DPP4: variants seen among roughly 807,000 people sequenced by gnomAD.
DPP4 encodes the protein dipeptidyl peptidase 4.
A neutral mutation model predicts 122.4 loss-of-function variants in DPP4; 93 were observed. The ratio of observed to expected loss-of-function variants is 0.76; its 90% CI spans 0.64 to 0.90. The LOEUF is 0.90. DPP4 is among the 40% of genes least tolerant of loss of function. DPP4 has a pLI of 0.00. For synonymous variants in DPP4, 321 were observed against 302.9 expected (o/e 1.06, Z -0.62); for missense variants, 914 against 907.3 (o/e 1.01, Z -0.09).
chr2:162,001,070 C>G (rs534439598), intron 23 of DPP4, among the ~76,000 whole-genome samples: 1 of 152,294 alleles, frequency 6.6e-6, no homozygotes, highest in South Asian at 2.1e-4. Flanking sequence ...CTCGTCCTCC[C>G]CATCTTCCGA....
chr2:162,057,130 G>A (rs1684607294), intron 2 of DPP4, among the ~76,000 whole-genome samples: 2 of 152,120 alleles, frequency 1.3e-5, no homozygotes, highest in Admixed American at 1.3e-4. Context: ...CTTTGAGGGA[G>A]TCAATTTGAG....
chr2:162,020,270 G>A lies in DPP4; in HGVS notation c.1203C>T (p.Thr401=). The A allele has an allele frequency of 6.2e-7, 1 of 1,608,042 alleles. No homozygotes were observed. Among genetic ancestry groups the A allele is most frequent in the Non-Finnish European group, 8.5e-7 (1 of 1,178,872 alleles). The change falls in exon 14 of 26, where the codon ACC becomes ACT. Residue 401 remains threonine, a synonymous_variant. Transcript: ENST00000360534. ...GAGCTTCTATCCCGATGACTTCCCA[G>A]GTGCCTTTTGTAATAAATGTGCAGT... ...KKDCTFITKG[T]WEVIGIEALT...
At chr2:162,044,009 C>G (rs1369497439) in intron 5 of DPP4, among the ~76,000 whole-genome samples, 1 of 152,068 alleles carries the variant, frequency 6.6e-6, no homozygotes, top group East Asian at 1.9e-4. Flanking sequence ...GCCTGGGTGA[C>G]AGAATGAGAC....
chr2:162,027,013 T>G, intron 10 of DPP4, among the ~76,000 whole-genome samples: 1 of 152,298 alleles, frequency 6.6e-6, no homozygotes, highest in South Asian at 2.1e-4. Context: ...TGAGTTCATT[T>G]AATATTCCAC....
chr2:162,025,096 AC>A (rs1683276605), intron 10 of DPP4, among the ~76,000 whole-genome samples, 157 bp from the exon 11 acceptor site: 1 of 152,232 alleles, frequency 6.6e-6, no homozygotes, highest in Non-Finnish European at 1.5e-5. Context: ...ATAATATTTC[AC>A]CTTTTCTTAA....
intron 5 of DPP4, among the ~76,000 whole-genome samples, chr2:162,040,053 G>C (rs1332728257): frequency 6.6e-6 from 1 of 151,898 alleles, no homozygotes; most frequent in Non-Finnish European, 1.5e-5. Context: ...TTAAAAATTA[G>C]AGAAAAGCAA....
intron 23 of DPP4, among the ~76,000 whole-genome samples, chr2:162,003,770 A>C (rs1307831535): frequency 4.6e-5 from 7 of 152,214 alleles, no homozygotes; most frequent in Admixed American, 4.6e-4. Flanking sequence ...TCCCTTCAAA[A>C]AGTTTTTAAG....
At position 162,033,729 on chromosome 2, in the gene DPP4, A is replaced by G. The variant is rs912629883; in HGVS notation, c.775-76T>C. 54 of 939,164 alleles carry G rather than the reference A, an allele frequency of 5.7e-5. No individual in the cohort carries two copies. In the African/African-American group the frequency reaches 6.2e-4, roughly 11 times the overall value. 58.2% of individuals were successfully genotyped at this position (939,164 alleles called of 1,614,324 possible). On this transcript the variant is annotated intron_variant, in intron 9 of 25. Coordinates refer to ENST00000360534, the MANE Select transcript of DPP4 (RefSeq NM_001935.4). ...ATCGTTGCACACATTTTAAAACTGC[A>G]CAAAAACGTCTGCATTATGGTCATA...
chr2:162,039,271 A>G (rs1198391082), intron 5 of DPP4, 87 bp from the exon 6 acceptor site: 4 of 1,085,504 alleles, frequency 3.7e-6, no homozygotes, highest in Non-Finnish European at 4.1e-6. Context: ...TAGGTTTGGT[A>G]ATATATGATT....
chr2:162,050,986 G>C (rs924509608), intron 2 of DPP4, among the ~76,000 whole-genome samples: 4 of 152,188 alleles, frequency 2.6e-5, no homozygotes, highest in East Asian at 1.9e-4. Flanking sequence ...TCAAAGCATT[G>C]TGCAGCCAAG....
chr2:162,020,472 T>G (rs1022987977), intron 13 of DPP4, 109 bp downstream of exon 13: 1 of 1,043,638 alleles, frequency 9.6e-7, no homozygotes, highest in Non-Finnish European at 1.4e-6. Flanking sequence ...TTTAAATTAA[T>G]CTGATTTTTA....
intron 5 of DPP4, among the ~76,000 whole-genome samples, chr2:162,040,061 C>A (rs1305398789): frequency 1.3e-5 from 2 of 151,724 alleles, no homozygotes; most frequent in East Asian, 3.9e-4. Flanking sequence ...TAGAGAAAAG[C>A]AAAAAATTTC....
intron 19 of DPP4, among the ~76,000 whole-genome samples, chr2:162,013,340 G>A (rs142456029): frequency 0.012 from 1,789 of 152,202 alleles, 25 homozygotes; most frequent in South Asian, 0.029. Flanking sequence ...TTAGTGTCAC[G>A]AATGAATTGA....
intron 5 of DPP4, among the ~76,000 whole-genome samples, chr2:162,039,488 C>T (rs1016103694): frequency 3.9e-5 from 6 of 151,962 alleles, no homozygotes; most frequent in Admixed American, 3.3e-4. Context: ...GCTAAGATTG[C>T]CTACTTAGAA....
At chr2:162,036,643 G>A (rs934890888) in intron 8 of DPP4, among the ~76,000 whole-genome samples, 4 of 152,020 alleles carry the variant, frequency 2.6e-5, no homozygotes, top group East Asian at 1.9e-4. Flanking sequence ...ACCTACTTCC[G>A]GGTTAAGCAG....
chr2:162,011,987 C>A lies in DPP4; in HGVS notation c.1638G>T (p.Val546=), dbSNP rs1559708273. The change falls in exon 20 of 26, where the codon GTG becomes GTT. Residue 546 remains valine, a splice_region_variant and synonymous_variant. Transcript: ENST00000360534. ...KSKKYPLLLD[V]YAGPCSQKAD... is the part of the protein sequence containing the mutation. ...CTTTTTGACTACATGGGCCTGCATA[C>A]CTATGAAAAATACCAAATTGTTAGC... 1 of 1,607,934 alleles carries A rather than the reference C, an allele frequency of 6.2e-7. No homozygotes were observed. The highest frequency in any genetic ancestry group is 2.2e-5 in the East Asian group (1 of 44,810).
At chr2:162,039,328 T>G (rs1381368485) in intron 5 of DPP4, 144 bp from the exon 6 acceptor site, 2 of 769,914 alleles carry the variant, frequency 2.6e-6, no homozygotes, top group African/African-American at 3.5e-5. Flanking sequence ...CTCCGAGAAT[T>G]TTGGGATTCA....
rs1247135129 is a variant in DPP4 at position 162,001,913 on chromosome 2, T to TG, written c.2052+3831dup. ...AGCTTCCGGTATCAGCTCCTTGAGG[T>TG]GGGGGGGATGAACATCTCCTTTCAT... On this transcript the variant is annotated intron_variant, in intron 23 of 25. Coordinates refer to ENST00000360534, the MANE Select transcript of DPP4 (RefSeq NM_001935.4). Among the ~76,000 whole-genome samples the TG allele has an allele frequency of 7.2e-5, 11 of 152,128 alleles. No homozygotes were observed. In the East Asian group the frequency reaches 1.5e-3, roughly 21 times the overall value.
chr2:161,993,124 T>G lies in DPP4; in HGVS notation c.*159A>C, dbSNP rs1700903815. On this transcript the variant is annotated 3_prime_UTR_variant, in exon 26 of 26. Coordinates refer to ENST00000360534, the MANE Select transcript of DPP4 (RefSeq NM_001935.4). ...TGTTGTGAAGACAGAAGTCCCTACT[T>G]AAGATGATAGGTATGAAATTTGGGA... The G allele has an allele frequency of 1.7e-6, 1 of 587,368 alleles. No homozygotes were observed. Among genetic ancestry groups the G allele is most frequent in the Non-Finnish European group, 3.0e-6 (1 of 328,274 alleles). The allele number at this position is 587,368 out of a possible 1,614,324, so 36.4% of individuals were successfully genotyped here.
Sources: gnomAD v4.1 joint callset for allele counts (sites outside exome capture counted in the v4.1 genomes callset) on GRCh38, gnomAD v4.1.1 for gene constraint, MANE v1.5 for transcripts, NCBI Gene and HGNC (gene_info 2026-07-23, HGNC 2026-07-21) for gene names.